Variants in KALRN observed in about 807,000 individuals in gnomAD.
KALRN encodes kalirin.
Under a neutral mutation model 353.7 loss-of-function variants are expected in KALRN, and 70 were observed. The observed-to-expected ratio is 0.20, with a 90% confidence interval of 0.16 to 0.24. KALRN has a LOEUF of 0.24. Ranked by LOEUF, KALRN falls within the 10% of genes least tolerant of loss-of-function variation. The pLI, the probability that KALRN is intolerant of heterozygous loss-of-function variation, is 1.00. For synonymous variants in KALRN, 1,391 were observed against 1,434.8 expected (o/e 0.97, Z 0.69); for missense variants, 2,791 against 3,756.7 (o/e 0.74, Z 6.72).
intron 1 of KALRN, chr3:124,152,563 TTTTC>T: frequency 4.7e-6 from 3 of 634,142 alleles, no homozygotes; most frequent in South Asian, 3.5e-5. Flanking sequence ...TTTTCTTTTC[TTTTC>T]TTTTCTTTTC....
At chr3:124,201,775 T>G (rs1269612545) in intron 1 of KALRN, among the ~76,000 whole-genome samples, 1 of 152,210 alleles carries the variant, frequency 6.6e-6, no homozygotes. Flanking sequence ...TTTGAGAATG[T>G]TTAACTTTTG....
chr3:124,074,467 G>A (rs1347387652), intron 1 of KALRN, among the ~76,000 whole-genome samples: 2 of 152,194 alleles, frequency 1.3e-5, no homozygotes, highest in African/African-American at 4.8e-5. Context: ...ATTTGTTGCT[G>A]TTTTCCAGGC....
At position 124,144,346 on chromosome 3, in the gene KALRN, T is replaced by C. The variant is rs2067012787; in HGVS notation, c.74-83644T>C. On this transcript the variant is annotated intron_variant, in intron 1 of 59. Transcript: ENST00000682506. ...GCAGAGAAGTCTGAGCTTAGCTAAA[T>C]TTTTCCCTGCTCCTTAGGAAGGGGT... Among the ~76,000 whole-genome samples, 2 of 152,120 alleles carry C rather than the reference T, an allele frequency of 1.3e-5. 1 individual carries two copies. The highest frequency in any genetic ancestry group is 4.1e-4 in the South Asian group (2 of 4,824).
chr3:124,246,741 G>T (rs997798736), intron 3 of KALRN, among the ~76,000 whole-genome samples: 1 of 152,202 alleles, frequency 6.6e-6, no homozygotes, highest in Non-Finnish European at 1.5e-5. Context: ...AGTGTCTGGT[G>T]TCACCTTGAT....
intron 6 of KALRN, among the ~76,000 whole-genome samples, chr3:124,304,472 T>C (rs1387272653): frequency 6.6e-6 from 1 of 152,234 alleles, no homozygotes; most frequent in Non-Finnish European, 1.5e-5. Flanking sequence ...TGAAGATCTA[T>C]ATGTATTAAA....
intron 2 of KALRN, among the ~76,000 whole-genome samples, chr3:124,232,146 G>A (rs963917805): frequency 3.3e-5 from 5 of 152,082 alleles, no homozygotes; most frequent in Admixed American, 2.0e-4. Flanking sequence ...CCCTCCCTGG[G>A]CATACCCCAT....
intron 3 of KALRN, among the ~76,000 whole-genome samples, chr3:124,236,186 AC>A (rs1181775641): frequency 6.6e-6 from 1 of 152,166 alleles, no homozygotes; most frequent in Non-Finnish European, 1.5e-5. Context: ...AACAGAAAAA[AC>A]ATAAAAGGTC....
intron 38 of KALRN, among the ~76,000 whole-genome samples, chr3:124,653,602 G>A (rs3772777): frequency 0.26 from 39,759 of 152,024 alleles, 5,360 homozygotes; most frequent in East Asian, 0.44. Flanking sequence ...CACAAAGACC[G>A]GGGGAGGTAA....
At chr3:124,543,596 C>T (rs1354865301) in intron 33 of KALRN, among the ~76,000 whole-genome samples, 2 of 151,990 alleles carry the variant, frequency 1.3e-5, no homozygotes, top group Non-Finnish European at 2.9e-5. Flanking sequence ...CCACCGCGCC[C>T]GGCCTTGTGG....
intron 9 of KALRN, among the ~76,000 whole-genome samples, chr3:124,346,575 C>T (rs369573105): frequency 6.6e-6 from 1 of 152,142 alleles, no homozygotes; most frequent in East Asian, 1.9e-4. Flanking sequence ...GGAAAGAAGC[C>T]AGAGGGGGCT....
intron 37 of KALRN, among the ~76,000 whole-genome samples, chr3:124,640,596 T>A (rs892141338): frequency 2.0e-5 from 3 of 152,144 alleles, no homozygotes; most frequent in African/African-American, 7.2e-5. Context: ...TGCATTCTAT[T>A]ATTCTATTCT....
chr3:124,317,892 G>A (rs1391361853), intron 6 of KALRN, among the ~76,000 whole-genome samples: 2 of 151,892 alleles, frequency 1.3e-5, no homozygotes, highest in Non-Finnish European at 2.9e-5. Flanking sequence ...GCCTCACTAG[G>A]TGCCCCTGAA....
intron 33 of KALRN, among the ~76,000 whole-genome samples, chr3:124,508,343 T>G (rs2065462116): frequency 6.6e-6 from 1 of 152,208 alleles, no homozygotes; most frequent in Non-Finnish European, 1.5e-5. Flanking sequence ...GTGTCTTTAC[T>G]TTTTTTATAA....
chr3:124,405,638 G>GTTTTTTT (rs71145451), intron 13 of KALRN, among the ~76,000 whole-genome samples: 1 of 83,868 alleles, frequency 1.2e-5, no homozygotes, highest in Non-Finnish European at 2.2e-5. Flanking sequence ...GGACCTCAGG[G>GTTTTTTT]TTTTTTTTTT....
chr3:124,195,472 T>G (rs1460601643), intron 1 of KALRN, among the ~76,000 whole-genome samples: 2 of 152,176 alleles, frequency 1.3e-5, no homozygotes, highest in Non-Finnish European at 2.9e-5. Flanking sequence ...TCCACATTTG[T>G]GGCACTTCGT....
chr3:124,140,397 T>C (rs1008033406), intron 1 of KALRN, among the ~76,000 whole-genome samples: 3 of 152,212 alleles, frequency 2.0e-5, no homozygotes, highest in African/African-American at 7.2e-5. Context: ...AAGTGATATT[T>C]TAGGGGCCAT....
intron 3 of KALRN, among the ~76,000 whole-genome samples, chr3:124,261,802 A>T (rs1324527732): frequency 6.6e-6 from 1 of 152,224 alleles, no homozygotes; most frequent in Admixed American, 6.5e-5. Flanking sequence ...GGCAAGACCC[A>T]CAGTTAACGT....
chr3:124,346,538 G>T (rs761902422), intron 9 of KALRN, among the ~76,000 whole-genome samples: 1 of 152,166 alleles, frequency 6.6e-6, no homozygotes, highest in East Asian at 1.9e-4. Flanking sequence ...TTGGTTGGTT[G>T]GTTGGTATCG....
chr3:124,405,104 C>A (rs1158806392), intron 13 of KALRN, among the ~76,000 whole-genome samples: 1 of 152,194 alleles, frequency 6.6e-6, no homozygotes, highest in African/African-American at 2.4e-5. Context: ...ACCTAATCCT[C>A]ACAAAATATT....
Sources: gnomAD v4.1 joint callset for allele counts (sites outside exome capture counted in the v4.1 genomes callset) on GRCh38, gnomAD v4.1.1 for gene constraint, MANE v1.5 for transcripts, NCBI Gene and HGNC (gene_info 2026-07-23, HGNC 2026-07-21) for gene names.